Variants in AAGAB observed in about 807,000 individuals in gnomAD.
The protein encoded by AAGAB is alpha- and gamma-adaptin-binding protein p34.
In AAGAB, 38 loss-of-function variants were observed where a neutral mutation model predicts 44.1. The observed-to-expected ratio is 0.86, with a 90% CI of 0.67 to 1.13. The LOEUF (loss-of-function observed/expected upper bound fraction) is 1.13, where lower values mean the gene tolerates loss of function less well. AAGAB is among the 50% of genes most tolerant of loss of function. The pLI is 0.00. For synonymous variants in AAGAB, 131 were observed against 131.8 expected, an observed-to-expected ratio of 0.99 and a Z score of 0.04; for missense variants, 450 against 373.8, an observed-to-expected ratio of 1.20 and a Z score of -1.68.
chr15:67,236,894 C>T, intron 1 of AAGAB, 74 bp from the exon 2 acceptor site: 1 of 1,195,006 alleles, frequency 8.4e-7, no homozygotes, highest in Non-Finnish European at 1.2e-6. Context: ...CAGTCAGATA[C>T]CAGATAAAGC....
chr15:67,232,799 G>A, intron 4 of AAGAB: 2 of 205,004 alleles, frequency 9.8e-6, no homozygotes, highest in Admixed American at 4.7e-5. Flanking sequence ...TAGGCAGACA[G>A]CAAAGGCCAG....
intron 1 of AAGAB, among the ~76,000 whole-genome samples, chr15:67,243,456 A>G (rs1425139345): frequency 6.6e-6 from 1 of 152,096 alleles, no homozygotes; most frequent in Non-Finnish European, 1.5e-5. Context: ...CTCTATGGGG[A>G]TGTGATTCTC....
At chr15:67,229,200 A>G (rs1964274809) in intron 5 of AAGAB, among the ~76,000 whole-genome samples, 1 of 152,084 alleles carries the variant, frequency 6.6e-6, no homozygotes, top group African/African-American at 2.4e-5. Flanking sequence ...TTGGGAGGCC[A>G]AGGTGGGCAG....
In AAGAB at chr15:67,208,649, A is replaced by G; in HGVS notation, c.628T>C (p.Leu210=). 6.2e-7 allele frequency: 1 copy of G among 1,614,064 alleles called. No homozygotes were observed. Among genetic ancestry groups the G allele is most frequent in the Non-Finnish European group, 8.5e-7 (1 of 1,179,974 alleles). Residue 210 remains leucine, a synonymous_variant, in exon 7 of 10, where the codon TTG becomes CTG. Coordinates refer to ENST00000261880, the MANE Select transcript of AAGAB (RefSeq NM_024666.5). ...ADPCHPEQPH[L]PAADSTESLS... is the part of the protein sequence containing the mutation. Reference sequence around the variant, plus strand: ...GATTCAGTACTATCTGCTGCTGGCAAATGGGGTTGCTGTTGAGGAAAATAC... The same window carrying G: ...GATTCAGTACTATCTGCTGCTGGCAGATGGGGTTGCTGTTGAGGAAAATAC...
chr15:67,246,189 T>C lies in AAGAB; in HGVS notation c.73+8370A>G, dbSNP rs1303744064. 5.9e-5 allele frequency among the ~76,000 whole-genome samples: 9 copies of C among 152,262 alleles called. No homozygotes were observed. The East Asian group carries it at 1.7e-3, about 29-fold the overall frequency. On this transcript the variant is annotated intron_variant, in intron 1 of 9. Coordinates refer to ENST00000261880, the MANE Select transcript of AAGAB (RefSeq NM_024666.5). ...TGAGCTCAGGAGTTCAAGACCAGCC[T>C]GAGCAACACGGCAAAACCCCTTCTC... is the stretch of plus-strand genomic sequence containing the variant.
intron 1 of AAGAB, among the ~76,000 whole-genome samples, chr15:67,240,104 T>C (rs1275433073): frequency 6.6e-6 from 1 of 152,212 alleles, no homozygotes; most frequent in Non-Finnish European, 1.5e-5. Context: ...TCTATAGACC[T>C]AAAGGATCCT....
chr15:67,222,845 C>T (rs949973602), intron 5 of AAGAB, among the ~76,000 whole-genome samples: 5 of 152,190 alleles, frequency 3.3e-5, no homozygotes, highest in African/African-American at 1.2e-4. Context: ...CTTTGCTCCC[C>T]TTTCCTGCAA....
At chr15:67,255,190 A>AAAGTT, upstream of AAGAB, 2 of 571,010 alleles carry the variant, frequency 3.5e-6, no homozygotes, top group Non-Finnish European at 3.2e-6. Context: ...AAACTCTAAA[A>AAAGTT]CCGTTCACCC....
Position 67,223,268 on chromosome 15 carries a change from T to C in AAGAB, c.535+8546A>G, listed in dbSNP as rs111831546. On this transcript the variant is annotated intron_variant, in intron 5 of 9. Transcript: ENST00000261880. ...AAACTCCAAAATCTCTCCAACTGGC[T>C]ACCTGCTATCTCCACTTGGAAGACT... Among the ~76,000 whole-genome samples, 289 of 152,328 alleles carry C rather than the reference T, an allele frequency of 1.9e-3. 1 individual carries two copies. Among genetic ancestry groups the C allele is most frequent in the African/African-American group, 6.8e-3 (281 of 41,568 alleles).
chr15:67,203,885 A>ATT (rs111308100), intron 8 of AAGAB, among the ~76,000 whole-genome samples, 159 bp downstream of exon 8: 1 of 148,156 alleles, frequency 6.7e-6, no homozygotes, highest in African/African-American at 2.5e-5. Flanking sequence ...TCCCCAGGGA[A>ATT]TTTTTTTTTT....
chr15:67,213,165 A>G (rs913022358), intron 5 of AAGAB, among the ~76,000 whole-genome samples: 10 of 152,344 alleles, frequency 6.6e-5, no homozygotes, highest in African/African-American at 2.2e-4. Context: ...TCCTAAAAAC[A>G]TCTGATTCAG....
At chr15:67,215,702 C>T (rs1963928219) in intron 5 of AAGAB, among the ~76,000 whole-genome samples, 1 of 152,174 alleles carries the variant, frequency 6.6e-6, no homozygotes, top group African/African-American at 2.4e-5. Context: ...TCAAACCACA[C>T]TGTTTGAATA....
chr15:67,203,706 G>T, intron 8 of AAGAB, 109 bp from the exon 9 acceptor site: 1 of 968,886 alleles, frequency 1.0e-6, no homozygotes, highest in Non-Finnish European at 1.6e-6. Flanking sequence ...TGTTTATGAT[G>T]TAGTCATTAC....
intron 5 of AAGAB, among the ~76,000 whole-genome samples, chr15:67,215,905 A>G (rs1963933955): frequency 6.6e-6 from 1 of 152,224 alleles, no homozygotes; most frequent in South Asian, 2.1e-4. Context: ...TATTAAAAAT[A>G]GTACTTATTA....
Position 67,236,625 on chromosome 15 carries a change from C to G in AAGAB, c.264+5G>C. 1 of 1,612,026 alleles carries G rather than the reference C, an allele frequency of 6.2e-7. No individual in the cohort carries two copies. The highest frequency in any genetic ancestry group is 8.5e-7 in the Non-Finnish European group (1 of 1,179,128). ...TTCAAGCCTTCATAGAAAACAAAGT[C>G]TTACTTGTGTGCTGTCAAAGTAAAC... On this transcript the variant is annotated splice_donor_5th_base_variant and intron_variant, in intron 2 of 9. Transcript: ENST00000261880.
At chr15:67,227,720 G>T (rs1002581485) in intron 5 of AAGAB, among the ~76,000 whole-genome samples, 3 of 152,132 alleles carry the variant, frequency 2.0e-5, no homozygotes, top group African/African-American at 7.2e-5. Flanking sequence ...TACCCTGGAA[G>T]AGTAGTATGA....
chr15:67,240,463 T>A (rs1447348386), intron 1 of AAGAB, among the ~76,000 whole-genome samples: 1 of 152,224 alleles, frequency 6.6e-6, no homozygotes, highest in South Asian at 2.1e-4. Context: ...TAATACATCA[T>A]TTTTTAAGAG....
chr15:67,238,230 G>T (rs1964515438), intron 1 of AAGAB, among the ~76,000 whole-genome samples: 1 of 151,966 alleles, frequency 6.6e-6, no homozygotes, highest in South Asian at 2.1e-4. Context: ...ATTAACAGAA[G>T]GTCTATGTCA....
At chr15:67,227,975 A>G (rs750270240) in intron 5 of AAGAB, among the ~76,000 whole-genome samples, 1 of 152,258 alleles carries the variant, frequency 6.6e-6, no homozygotes, top group Middle Eastern at 3.2e-3. Context: ...AGGAAACCTC[A>G]GGGCAAAGAA....
Sources: allele counts gnomAD v4.1 joint callset (sites outside exome capture counted in the v4.1 genomes callset), GRCh38; gene constraint gnomAD v4.1.1; transcripts MANE v1.5; gene names NCBI Gene and HGNC (gene_info 2026-07-23, HGNC 2026-07-21).